Variants in TMPRSS15 observed in about 807,000 individuals in gnomAD.
TMPRSS15 encodes enteropeptidase.
TMPRSS15 carries 128 observed loss-of-function variants against 125.3 expected under a neutral mutation model. That is an observed-to-expected ratio of 1.02 (90% CI 0.89 to 1.18). TMPRSS15 has a LOEUF of 1.18. Among genes scored for constraint, TMPRSS15 ranks in the 50% most tolerant of loss-of-function variants. TMPRSS15 has a pLI of 0.00. For missense variants in TMPRSS15, 1,283 were observed against 1,212.7 expected (o/e 1.06, Z -0.86); for synonymous variants, 446 against 423.2 (o/e 1.05, Z -0.66).
chr21:18,282,112 A>C (rs1443249824), intron 21 of TMPRSS15, among the ~76,000 whole-genome samples: 1 of 151,150 alleles, frequency 6.6e-6, no homozygotes, highest in Admixed American at 6.6e-5. Flanking sequence ...AAAAAAAAAA[A>C]AAAAAAAAAA....
chr21:18,468,599 T>C (rs1300750889), intron 1 of TMPRSS15, among the ~76,000 whole-genome samples: 2 of 152,172 alleles, frequency 1.3e-5, no homozygotes, highest in Non-Finnish European at 2.9e-5. Context: ...CTACAAACTT[T>C]TATTATATAC....
intron 3 of TMPRSS15, among the ~76,000 whole-genome samples, chr21:18,384,059 C>G (rs1174366587): frequency 6.6e-6 from 1 of 152,174 alleles, no homozygotes; most frequent in Non-Finnish European, 1.5e-5. Context: ...CATCCCCAGG[C>G]CAGGATGTTC....
Position 18,269,747 on chromosome 21 carries a change from C to G in TMPRSS15, c.*222G>C. The G allele has an allele frequency of 2.0e-6, 1 of 490,878 alleles. No individual in the cohort carries two copies. The highest frequency in any genetic ancestry group is 2.3e-5 in the South Asian group (1 of 42,838). The allele number at this position is 490,878 out of a possible 1,614,324, so 30.4% of individuals were successfully genotyped here. On this transcript the variant is annotated 3_prime_UTR_variant, in exon 25 of 25. Transcript: ENST00000284885. ...AGAAATACCTGTTCACAATGAAATA[C>G]AAATGTATTTAATGGTATTTTAAAG...
chr21:18,288,160 G>A (rs2074787964), intron 21 of TMPRSS15, among the ~76,000 whole-genome samples: 1 of 152,164 alleles, frequency 6.6e-6, no homozygotes, highest in Non-Finnish European at 1.5e-5. Flanking sequence ...CCAGGAGAAA[G>A]AATAAAATCA....
At position 18,383,793 on chromosome 21, in the gene TMPRSS15, AG is replaced by A; in HGVS notation, c.345-16del. 2 of 1,610,622 alleles carry A rather than the reference AG, an allele frequency of 1.2e-6. No homozygotes were observed. Among genetic ancestry groups the A allele is most frequent in the Non-Finnish European group, 1.7e-6 (2 of 1,178,154 alleles). ...TGCTGCCATTTCTGCAAAGCAAAAG[AG>A]GATATAAGAGGAAAAAGTCAGCCAT... On this transcript the variant is annotated splice_polypyrimidine_tract_variant and intron_variant, in intron 3 of 24. Coordinates refer to ENST00000284885, the MANE Select transcript of TMPRSS15 (RefSeq NM_002772.3).
chr21:18,311,203 A>G (rs944551861), intron 18 of TMPRSS15, among the ~76,000 whole-genome samples: 4 of 152,172 alleles, frequency 2.6e-5, no homozygotes, highest in Non-Finnish European at 5.9e-5. Flanking sequence ...AGCCCATAAA[A>G]GCACAGGCAA....
intron 6 of TMPRSS15, among the ~76,000 whole-genome samples, chr21:18,367,107 G>A (rs1185944353): frequency 6.6e-6 from 1 of 151,654 alleles, no homozygotes; most frequent in Non-Finnish European, 1.5e-5. Context: ...AAAAACAATG[G>A]CCTAGGAATT....
intron 1 of TMPRSS15, among the ~76,000 whole-genome samples, chr21:18,476,968 C>T (rs1045946014): frequency 6.7e-6 from 1 of 148,978 alleles, no homozygotes; most frequent in Admixed American, 6.6e-5. Context: ...CATTACAATG[C>T]ATAACACTGG....
intron 3 of TMPRSS15, among the ~76,000 whole-genome samples, chr21:18,396,800 G>GACTGTCTATCTA (rs1555909728): frequency 1.5e-5 from 1 of 67,786 alleles, no homozygotes; most frequent in Non-Finnish European, 2.8e-5. Context: ...AAATCTGTCT[G>GACTGTCTATCTA]TCTGTCTGTC....
intron 1 of TMPRSS15, among the ~76,000 whole-genome samples, chr21:18,403,145 G>A (rs2076112299): frequency 1.3e-5 from 2 of 151,906 alleles, no homozygotes; most frequent in Admixed American, 6.6e-5. Context: ...ACAAAATCAG[G>A]GGCCATGAAA....
At chr21:18,391,360 A>G (rs1569052017) in intron 3 of TMPRSS15, among the ~76,000 whole-genome samples, 5 of 152,260 alleles carry the variant, frequency 3.3e-5, no homozygotes, top group Admixed American at 2.6e-4. Flanking sequence ...GGTTACAAGC[A>G]CTGAATAAAT....
At chr21:18,285,173 G>A (rs1328324814) in intron 21 of TMPRSS15, among the ~76,000 whole-genome samples, 1 of 152,050 alleles carries the variant, frequency 6.6e-6, no homozygotes, top group East Asian at 1.9e-4. Flanking sequence ...ATGCTTCTTT[G>A]AAAAAAAGAT....
intron 8 of TMPRSS15, among the ~76,000 whole-genome samples, chr21:18,358,916 T>C (rs2075652189): frequency 6.6e-6 from 1 of 152,032 alleles, no homozygotes; most frequent in African/African-American, 2.4e-5. Context: ...TAAATACAAT[T>C]TGAGAGGCAA....
rs60181308 is a variant in TMPRSS15, at chr21:18,395,810, A to C, written c.344+2069T>G. Among the ~76,000 whole-genome samples, 7 of 152,342 alleles carry C rather than the reference A, an allele frequency of 4.6e-5. No individual in the cohort carries two copies. The East Asian group carries it at 1.4e-3, about 29-fold the overall frequency. ...CTGTCAGCTGCACAAAAGCACAAAAAATATGTAATTTTAAGGCCCTGGAAT... is the reference window on the plus strand; with the variant it reads ...CTGTCAGCTGCACAAAAGCACAAAACATATGTAATTTTAAGGCCCTGGAAT... On this transcript the variant is annotated intron_variant, in intron 3 of 24. Transcript: ENST00000284885.
At chr21:18,405,037 A>T (rs1287110493), upstream of TMPRSS15, among the ~76,000 whole-genome samples, 2 of 152,170 alleles carry the variant, frequency 1.3e-5, no homozygotes, top group African/African-American at 2.4e-5. Context: ...GAACCTACAA[A>T]AAGCGCCTCT....
chr21:18,275,658 C>T (rs913185668), intron 23 of TMPRSS15, among the ~76,000 whole-genome samples: 1 of 152,216 alleles, frequency 6.6e-6, no homozygotes, highest in African/African-American at 2.4e-5. Context: ...CGCTCCCCAA[C>T]ACAAAGTGTT....
At chr21:18,290,010 G>A (rs2074814446) in intron 21 of TMPRSS15, among the ~76,000 whole-genome samples, 1 of 152,214 alleles carries the variant, frequency 6.6e-6, no homozygotes, top group Non-Finnish European at 1.5e-5. Flanking sequence ...ATGAAACCTT[G>A]GTTGATGCGT....
chr21:18,398,029 A>C, intron 2 of TMPRSS15, 83 bp from the exon 3 acceptor site: 1 of 1,239,526 alleles, frequency 8.1e-7, no homozygotes, highest in Non-Finnish European at 1.1e-6. Flanking sequence ...AGCAATCTTT[A>C]TGTTCTGCTT....
chr21:18,332,982 C>G (rs758216923), intron 13 of TMPRSS15, among the ~76,000 whole-genome samples: 1 of 152,148 alleles, frequency 6.6e-6, no homozygotes, highest in African/African-American at 2.4e-5. Flanking sequence ...CCTTAGCAAA[C>G]TAACACAAGA....
Sources: gnomAD v4.1 joint callset for allele counts (sites outside exome capture counted in the v4.1 genomes callset) on GRCh38, gnomAD v4.1.1 for gene constraint, MANE v1.5 for transcripts, NCBI Gene and HGNC (gene_info 2026-07-23, HGNC 2026-07-21) for gene names.